DST: variants seen among roughly 807,000 people sequenced by gnomAD.
The protein encoded by DST is dystonin, also known as bullous pemphigoid antigen.
In DST, 253 loss-of-function variants were observed where a neutral mutation model predicts 875.2. That is an observed-to-expected ratio of 0.29 (90% CI 0.26 to 0.32). The LOEUF is 0.32. DST is among the 10% of genes least tolerant of loss of function. The pLI is 1.00. For synonymous variants in DST, 3,124 were observed against 3,197.1 expected (o/e 0.98, Z 0.77); for missense variants, 8,287 against 9,111.6 (o/e 0.91, Z 3.68).
At chr6:56,921,124 T>A (rs776335877) in intron 2 of DST, among the ~76,000 whole-genome samples, 6 of 152,070 alleles carry the variant, frequency 3.9e-5, no homozygotes, top group Non-Finnish European at 7.4e-5. Flanking sequence ...AACTGCTCTT[T>A]TAAATTTCTG....
At chr6:56,839,581 G>A (rs1485249237) in intron 4 of DST, among the ~76,000 whole-genome samples, 3 of 152,108 alleles carry the variant, frequency 2.0e-5, no homozygotes, top group Non-Finnish European at 4.4e-5. Flanking sequence ...GAAAACCACT[G>A]AGCTAGATCA....
At chr6:56,840,131 A>G (rs2099798254) in intron 4 of DST, among the ~76,000 whole-genome samples, 1 of 152,232 alleles carries the variant, frequency 6.6e-6, no homozygotes, top group Admixed American at 6.5e-5. Flanking sequence ...CTCACTTAAC[A>G]TCATACTACA....
At chr6:56,474,191 A>T (rs919997884) in intron 92 of DST, 189 bp from the exon 93 acceptor site, 3 of 503,754 alleles carry the variant, frequency 6.0e-6, no homozygotes, top group African/African-American at 5.9e-5. Flanking sequence ...TTTCTAAAGA[A>T]TATAAAATGT....
intron 63 of DST, 32 bp from the exon 64 acceptor site, chr6:56,532,542 A>G: frequency 6.5e-7 from 1 of 1,532,358 alleles, no homozygotes; most frequent in East Asian, 2.4e-5. Context: ...TAAAAAAGCA[A>G]GGGAATAATT....
chr6:56,731,548 T>C (rs975203159), intron 5 of DST, among the ~76,000 whole-genome samples: 2 of 152,244 alleles, frequency 1.3e-5, no homozygotes, highest in African/African-American at 4.8e-5. Flanking sequence ...GATGCTATCA[T>C]CTGCAAATAG....
intron 5 of DST, among the ~76,000 whole-genome samples, chr6:56,706,245 C>T (rs994224530): frequency 3.3e-5 from 5 of 150,564 alleles, no homozygotes; most frequent in South Asian, 4.2e-4. Context: ...ACTCAGGAGG[C>T]GGAGGTTGCA....
chr6:56,489,673 C>T, intron 85 of DST, 64 bp from the exon 86 acceptor site: 1 of 1,480,068 alleles, frequency 6.8e-7, no homozygotes, highest in Non-Finnish European at 9.2e-7. Context: ...AGATCTAGCA[C>T]AGTTTTAAGA....
At chr6:56,749,435 C>T (rs1589603659) in intron 4 of DST, among the ~76,000 whole-genome samples, 1 of 152,124 alleles carries the variant, frequency 6.6e-6, no homozygotes, top group Non-Finnish European at 1.5e-5. Context: ...GCTCTAATTC[C>T]GTTTACCCTG....
intron 91 of DST, 83 bp downstream of exon 91, chr6:56,477,262 G>A (rs2095240126): frequency 6.9e-7 from 1 of 1,447,518 alleles, no homozygotes; most frequent in East Asian, 2.4e-5. Context: ...ATGGCCATAA[G>A]TGCATCTTAA....
chr6:56,898,507 GA>G (rs199808703), intron 3 of DST, among the ~76,000 whole-genome samples: 1,847 of 152,276 alleles, frequency 0.012, 34 homozygotes, highest in East Asian at 0.04. Flanking sequence ...AAGAAGCAAA[GA>G]ATTAGCTAGA....
intron 5 of DST, among the ~76,000 whole-genome samples, chr6:56,733,619 T>C (rs890356656): frequency 1.3e-5 from 2 of 152,182 alleles, no homozygotes; most frequent in Non-Finnish European, 2.9e-5. Flanking sequence ...CACACCACCA[T>C]TTACCTGACC....
At chr6:56,786,871 A>G (rs932355675) in intron 4 of DST, among the ~76,000 whole-genome samples, 1 of 152,222 alleles carries the variant, frequency 6.6e-6, no homozygotes, top group African/African-American at 2.4e-5. Context: ...AGTAAAGGAT[A>G]CTGAGAGTCC....
chr6:56,508,097 C>T (rs1255438930), intron 75 of DST, among the ~76,000 whole-genome samples: 1 of 152,148 alleles, frequency 6.6e-6, no homozygotes, highest in Admixed American at 6.5e-5. Context: ...TATAGTGGCA[C>T]GATCTTGGCT....
At chr6:56,602,760 T>C in intron 43 of DST, 122 bp downstream of exon 43, 1 of 708,954 alleles carries the variant, frequency 1.4e-6, no homozygotes, top group Non-Finnish European at 2.1e-6. Context: ...AAGACATCTC[T>C]AGAGACAAAG....
chr6:56,772,093 T>C (rs2099667615), intron 4 of DST, among the ~76,000 whole-genome samples: 1 of 152,184 alleles, frequency 6.6e-6, no homozygotes, highest in South Asian at 2.1e-4. Context: ...GTCCAGGTTA[T>C]TTTAGACATG....
chr6:56,612,264 C>T (rs929432923), intron 37 of DST, among the ~76,000 whole-genome samples: 5 of 152,062 alleles, frequency 3.3e-5, no homozygotes, highest in Admixed American at 1.3e-4. Context: ...CCAAGCTACT[C>T]GGGAGGCTGA....
intron 52 of DST, 58 bp downstream of exon 52, chr6:56,572,689 A>C: frequency 1.6e-6 from 2 of 1,278,618 alleles, no homozygotes; most frequent in Non-Finnish European, 2.1e-6. Flanking sequence ...TAAGTATATG[A>C]GTTTGCCCTA....
chr6:56,648,764 AG>A, intron 12 of DST, 75 bp from the exon 13 acceptor site: 1 of 1,275,942 alleles, frequency 7.8e-7, no homozygotes, highest in Non-Finnish European at 1.1e-6. Context: ...TTTAGTCAGA[AG>A]TCATTCTGTA....
intron 2 of DST, among the ~76,000 whole-genome samples, chr6:56,922,852 C>G (rs544445479): frequency 6.6e-6 from 1 of 152,142 alleles, no homozygotes; most frequent in Non-Finnish European, 1.5e-5. Flanking sequence ...GCTGATTTCA[C>G]AGTTTAGCAA....
Sources: allele counts gnomAD v4.1 joint callset (sites outside exome capture counted in the v4.1 genomes callset), GRCh38; gene constraint gnomAD v4.1.1; transcripts MANE v1.5; gene names NCBI Gene and HGNC (gene_info 2026-07-23, HGNC 2026-07-21).